Variants in ZNF106 observed in about 807,000 individuals in gnomAD.
The protein encoded by ZNF106 is zinc finger protein 106, also known as SH3-domain binding protein 3.
A neutral mutation model predicts 195.1 loss-of-function variants in ZNF106; 67 were observed. That is an observed-to-expected ratio of 0.34 (90% CI 0.28 to 0.42). ZNF106 has a LOEUF of 0.42. Among genes scored for constraint, ZNF106 ranks in the 10% least tolerant of loss-of-function variants. The pLI is 1.00. For synonymous variants in ZNF106, 784 were observed against 818.6 expected, an observed-to-expected ratio of 0.96 and a Z score of 0.72; for missense variants, 2,118 against 2,304.5, an observed-to-expected ratio of 0.92 and a Z score of 1.66.
chr15:42,487,597 T>G (rs975885308), intron 1 of ZNF106, among the ~76,000 whole-genome samples: 2 of 152,108 alleles, frequency 1.3e-5, no homozygotes, highest in African/African-American at 4.8e-5. Flanking sequence ...AGTTTCTTAT[T>G]TGTTTTCCAG....
chr15:42,465,855 G>C (rs1409074874), intron 3 of ZNF106, among the ~76,000 whole-genome samples, 198 bp downstream of exon 3: 3 of 152,186 alleles, frequency 2.0e-5, no homozygotes, highest in South Asian at 4.1e-4. Flanking sequence ...TCACACATTT[G>C]AGATGCCCAA....
chr15:42,469,150 A>C (rs1369676219), intron 2 of ZNF106, among the ~76,000 whole-genome samples: 10 of 151,978 alleles, frequency 6.6e-5, no homozygotes, highest in Non-Finnish European at 5.9e-5. Flanking sequence ...ACACCATTGC[A>C]CTCCAGCCTG....
Position 42,450,646 on chromosome 15 carries a change from A to G in ZNF106, c.1626T>C (p.Ser542=). The G allele has an allele frequency of 6.2e-7, 1 of 1,614,182 alleles. No individual in the cohort carries two copies. The highest frequency in any genetic ancestry group is 1.1e-5 in the South Asian group (1 of 91,090). The change falls in exon 5 of 22, where the codon AGT becomes AGC. Residue 542 remains serine, a synonymous_variant. Coordinates refer to ENST00000564754, the MANE Select transcript of ZNF106 (RefSeq NM_001366845.3). The stretch of plus-strand genomic sequence containing the variant: ...CAGATTGCTTTTGAGAGCCAAATGT[A>G]CTTTTATTCCCTTTTAAAACATGAG... ...SCPHVLKGNK[S]TFGSQKQSGD...
rs201642616 is a variant in ZNF106 at position 42,451,593 on chromosome 15, T to G, written c.679A>C (p.Ser227Arg). ...CCACCTGTTCCTTCAGAAAGCCAACTGGAATTCCTTCCTGTACCATTATGA... is the reference window on the plus strand; with the variant it reads ...CCACCTGTTCCTTCAGAAAGCCAACGGGAATTCCTTCCTGTACCATTATGA... Reference protein sequence around the residue: ...WNHNGTGRNSSWLSEGTGGFS... With the variant: ...WNHNGTGRNSRWLSEGTGGFS... The change falls in exon 5 of 22, where the codon AGT becomes CGT. Residue 227 changes from serine (S) to arginine (R), a missense_variant. Physicochemically the swap from Ser to Arg is moderately radical, Grantham distance 110. Coordinates refer to ENST00000564754, the MANE Select transcript of ZNF106 (RefSeq NM_001366845.3). 4 of 1,614,096 alleles carry G rather than the reference T, an allele frequency of 2.5e-6. No individual in the cohort carries two copies. Among genetic ancestry groups the G allele is most frequent in the Non-Finnish European group, 3.4e-6 (4 of 1,180,046 alleles).
chr15:42,422,129 A>G (rs984640775), intron 18 of ZNF106, 141 bp from the exon 19 acceptor site: 2 of 620,164 alleles, frequency 3.2e-6, no homozygotes, highest in African/African-American at 3.7e-5. Context: ...ACAGAAATAT[A>G]ATCTAATGGC....
At position 42,437,351 on chromosome 15, in the gene ZNF106, C is replaced by G; in HGVS notation, c.4627G>C (p.Asp1543His). 6.2e-7 allele frequency: 1 copy of G among 1,614,038 alleles called. No homozygotes were observed. Among genetic ancestry groups the G allele is most frequent in the Non-Finnish European group, 8.5e-7 (1 of 1,180,014 alleles). The change falls in exon 13 of 22, where the codon GAT becomes CAT. Residue 1543 changes from aspartate to histidine, a missense_variant. Physicochemically the swap from Asp to His is moderately conservative, Grantham distance 81. Coordinates refer to ENST00000564754, the MANE Select transcript of ZNF106 (RefSeq NM_001366845.3). ...SEISSEPGDDDEPTEGSFEGH... is the reference protein window; with the variant it reads ...SEISSEPGDDHEPTEGSFEGH... The stretch of plus-strand genomic sequence containing the variant: ...TCAAAGCTTCCTTCTGTGGGTTCAT[C>G]ATCATCTCCTGGCTCTGAAGATATT...
intron 14 of ZNF106, among the ~76,000 whole-genome samples, chr15:42,428,976 A>G (rs964028309): frequency 4.0e-5 from 6 of 151,290 alleles, no homozygotes; most frequent in African/African-American, 1.2e-4. Context: ...CGTATTAGCC[A>G]GGATGGTCTC....
At chr15:42,471,449 G>A (rs1159232237) in intron 2 of ZNF106, among the ~76,000 whole-genome samples, 2 of 152,218 alleles carry the variant, frequency 1.3e-5, no homozygotes, top group East Asian at 3.8e-4. Flanking sequence ...AGATGTTTTG[G>A]CCGGGCACAG....
chr15:42,436,442 C>T (rs1311613780), intron 13 of ZNF106, among the ~76,000 whole-genome samples: 1 of 152,124 alleles, frequency 6.6e-6, no homozygotes, highest in African/African-American at 2.4e-5. Context: ...TATCATTAAG[C>T]TAAAGGAATC....
At chr15:42,436,141 G>T (rs1216668880) in intron 13 of ZNF106, among the ~76,000 whole-genome samples, 2 of 152,016 alleles carry the variant, frequency 1.3e-5, no homozygotes, top group African/African-American at 4.8e-5. Flanking sequence ...TTTTAGTAGA[G>T]ATGGGGTTTC....
In ZNF106 at chr15:42,421,042, G is replaced by A. The variant is rs747758395; in HGVS notation, c.5517+19C>T. The A allele has an allele frequency of 1.4e-5, 23 of 1,612,518 alleles. No homozygotes were observed. The South Asian group carries it at 2.4e-4, about 17-fold the overall frequency. On this transcript the variant is annotated intron_variant, in intron 20 of 21. Coordinates refer to ENST00000564754, the MANE Select transcript of ZNF106 (RefSeq NM_001366845.3). ...GCAACCTATAGAAGTCCAGTGACAG[G>A]AAGAGTTTCACTCCTTACCCAACAG...
chr15:42,486,549 A>G (rs1481618304), intron 1 of ZNF106, among the ~76,000 whole-genome samples: 4 of 152,160 alleles, frequency 2.6e-5, no homozygotes, highest in African/African-American at 9.7e-5. Context: ...ATGAGCCACC[A>G]TGCCCAAGCT....
In ZNF106 at chr15:42,444,975, G is replaced by C. The variant is rs757692456; in HGVS notation, c.3212C>G (p.Ser1071Cys). 7 of 1,614,040 alleles carry C rather than the reference G, an allele frequency of 4.3e-6. No homozygotes were observed. The South Asian group carries it at 7.7e-5, about 18-fold the overall frequency. ...AATATTCAGCAGCTGGTCAACCTGA[G>C]AACGTTCTGCCAAAAGAAATCATAA... The part of the protein sequence containing the change: ...RRKIKGKKER[S>C]QVDQLLNISL... The change falls in exon 8 of 22, where the codon TCT (serine) becomes TGT (cysteine). Residue 1071 changes from serine (S) to cysteine (C), a missense_variant. Transcript: ENST00000564754.
Position 42,450,239 on chromosome 15 carries a change from T to A in ZNF106, c.2033A>T (p.Gln678Leu). 4 of 1,614,220 alleles carry A rather than the reference T, an allele frequency of 2.5e-6. No homozygotes were observed. Among genetic ancestry groups the A allele is most frequent in the Non-Finnish European group, 3.4e-6 (4 of 1,180,036 alleles). ...PIVRQKESEL[Q>L]MTSAASPHPG... ...GTGTGGACTGGCTGCAGATGTCATTTGTAATTCAGATTCTTTCTGGCGAAC... is the reference window on the plus strand; with the variant it reads ...GTGTGGACTGGCTGCAGATGTCATTAGTAATTCAGATTCTTTCTGGCGAAC... Residue 678 changes from glutamine to leucine, a missense_variant, in exon 5 of 22, where the codon CAA becomes CTA. Coordinates refer to ENST00000564754, the MANE Select transcript of ZNF106 (RefSeq NM_001366845.3).
At chr15:42,435,972 T>C (rs1274882627) in intron 13 of ZNF106, among the ~76,000 whole-genome samples, 1 of 151,580 alleles carries the variant, frequency 6.6e-6, no homozygotes, top group East Asian at 1.9e-4. Flanking sequence ...TTTTTTTTTT[T>C]TGACAGAGTC....
intron 4 of ZNF106, among the ~76,000 whole-genome samples, chr15:42,453,410 G>C (rs909171325): frequency 2.0e-5 from 3 of 152,116 alleles, no homozygotes; most frequent in Non-Finnish European, 4.4e-5. Flanking sequence ...ACAGCAATAG[G>C]TGTAAAAACC....
In ZNF106 at chr15:42,448,560, G is replaced by A; in HGVS notation, c.2647C>T (p.Leu883Phe). 6.2e-7 allele frequency: 1 copy of A among 1,614,098 alleles called. No homozygotes were observed. The highest frequency in any genetic ancestry group is 8.5e-7 in the Non-Finnish European group (1 of 1,180,006). Residue 883 changes from leucine (L) to phenylalanine (F), a missense_variant, in exon 6 of 22, where the codon CTT becomes TTT. By Grantham distance (22) the Leu-to-Phe change is conservative (BLOSUM62 0). Coordinates refer to ENST00000564754, the MANE Select transcript of ZNF106 (RefSeq NM_001366845.3). ...SSPGLARKRS[L>F]SESSVIMDRA... ...TCCATGATCACGCTGCTCTCAGAAA[G>A]GCTTCGCTTTCTTGCCAAGCCAGGG...
intron 20 of ZNF106, among the ~76,000 whole-genome samples, chr15:42,420,760 A>G (rs1424912535): frequency 6.6e-6 from 1 of 152,212 alleles, no homozygotes; most frequent in Non-Finnish European, 1.5e-5. Context: ...TGAGGACACA[A>G]ACCAAACCAT....
intron 3 of ZNF106, among the ~76,000 whole-genome samples, chr15:42,465,637 T>C (rs1310441704): frequency 6.6e-6 from 1 of 152,204 alleles, no homozygotes; most frequent in African/African-American, 2.4e-5. Context: ...TGAGATTCAG[T>C]GCTATTTAGC....
Sources: allele counts gnomAD v4.1 joint callset (sites outside exome capture counted in the v4.1 genomes callset), GRCh38; gene constraint gnomAD v4.1.1; transcripts MANE v1.5; gene names NCBI Gene and HGNC (gene_info 2026-07-23, HGNC 2026-07-21).